AKT3: variants seen among roughly 807,000 people sequenced by gnomAD.
The protein encoded by AKT3 is RAC-gamma serine/threonine-protein kinase.
Under a neutral mutation model 65.3 loss-of-function variants are expected in AKT3, and 15 were observed. That is an observed-to-expected ratio of 0.23 (90% CI 0.15 to 0.35). The LOEUF is 0.35. AKT3 is among the 10% of genes least tolerant of loss of function. The pLI is 1.00. For synonymous variants in AKT3, 206 were observed against 183.8 expected (o/e 1.12, Z -0.98); for missense variants, 243 against 576.5 (o/e 0.42, Z 5.92).
chr1:243,594,905 T>C (rs748300023), intron 8 of AKT3, among the ~76,000 whole-genome samples: 27 of 152,072 alleles, frequency 1.8e-4, no homozygotes, highest in African/African-American at 4.6e-4. Flanking sequence ...CAATGAAAGA[T>C]AGTGAAAGAA....
chr1:243,539,794 C>T (rs989481080), intron 12 of AKT3, among the ~76,000 whole-genome samples: 1 of 152,126 alleles, frequency 6.6e-6, no homozygotes, highest in African/African-American at 2.4e-5. Flanking sequence ...AAACACAGCA[C>T]ATCAAAATGT....
intron 8 of AKT3, among the ~76,000 whole-genome samples, chr1:243,600,512 T>C (rs1000081017): frequency 3.9e-5 from 6 of 152,128 alleles, no homozygotes; most frequent in African/African-American, 1.2e-4. Context: ...GACCCACACA[T>C]ATATGACTGA....
At chr1:243,839,822 T>G (rs1048128203) in intron 2 of AKT3, among the ~76,000 whole-genome samples, 1 of 151,568 alleles carries the variant, frequency 6.6e-6, no homozygotes, top group East Asian at 1.9e-4. Flanking sequence ...TTATATCAAT[T>G]TTTTGTTGTT....
upstream of AKT3, among the ~76,000 whole-genome samples, chr1:243,850,882 C>T (rs1052111525): frequency 2.0e-4 from 30 of 152,194 alleles, no homozygotes; most frequent in African/African-American, 7.0e-4. Flanking sequence ...CCGCGTGGCC[C>T]TTGGCGGGCA....
rs1335551710 is a variant in AKT3 at position 243,501,279 on chromosome 1, C to T, written c.*3970G>A. On this transcript the variant is annotated 3_prime_UTR_variant, in exon 14 of 14. Coordinates refer to ENST00000673466, the MANE Select transcript of AKT3 (RefSeq NM_005465.7). ...CAGCCATCCTACCCATCTACATCAC[C>T]CACGTCTAAGTTTGTTAATTTGCCA... The T allele has an allele frequency of 8.6e-6, 2 of 232,960 alleles. No homozygotes were observed. Among genetic ancestry groups the T allele is most frequent in the Non-Finnish European group, 1.7e-5 (2 of 117,926 alleles). 14.4% of individuals were successfully genotyped at this position (232,960 alleles called of 1,614,324 possible). A position where few individuals can be genotyped will look rare whatever the true frequency, so the allele number is the denominator to read the frequency against.
intron 12 of AKT3, among the ~76,000 whole-genome samples, chr1:243,523,414 T>C (rs1277750496): frequency 6.6e-6 from 1 of 152,108 alleles, no homozygotes; most frequent in Non-Finnish European, 1.5e-5. Flanking sequence ...GTACTTCCTG[T>C]TAGCCTGGTA....
chr1:243,677,949 G>A (rs772995316), intron 3 of AKT3, among the ~76,000 whole-genome samples: 9 of 151,990 alleles, frequency 5.9e-5, no homozygotes, highest in South Asian at 2.1e-4. Flanking sequence ...TTAGCTGGGC[G>A]TGGTGGCGGG....
At position 243,500,812 on chromosome 1, in the gene AKT3, C is replaced by A. The variant is rs1209891768; in HGVS notation, c.*4437G>T. On this transcript the variant is annotated 3_prime_UTR_variant, in exon 14 of 14. Transcript: ENST00000673466. The stretch of plus-strand genomic sequence containing the variant: ...CTACACACAGAGACCATTTGAATCT[C>A]TTGAGCATGTAAAAGGTTCAAGCCT... 4.4e-6 allele frequency: 1 copy of A among 228,978 alleles called. No homozygotes were observed. The highest frequency in any genetic ancestry group is 2.2e-5 in the African/African-American group (1 of 45,124). The allele number at this position is 228,978 out of a possible 1,614,324, so 14.2% of individuals were successfully genotyped here.
chr1:243,692,263 CAT>C (rs1341289179), intron 3 of AKT3, among the ~76,000 whole-genome samples: 2 of 152,080 alleles, frequency 1.3e-5, no homozygotes, highest in Non-Finnish European at 1.5e-5. Context: ...ATAAGATCCC[CAT>C]ATGAGAGATG....
chr1:243,499,508 C>T (rs529956579), downstream of AKT3, among the ~76,000 whole-genome samples: 5 of 152,298 alleles, frequency 3.3e-5, no homozygotes, highest in East Asian at 7.7e-4. Flanking sequence ...AAGAGGCAGG[C>T]GTGTCTTTTG....
intron 13 of AKT3, chr1:243,488,935 C>T (rs1665695801): frequency 3.7e-6 from 6 of 1,605,400 alleles, no homozygotes; most frequent in Admixed American, 3.3e-5. Flanking sequence ...CAGGGGCTTC[C>T]CTCAGATACA....
At chr1:243,709,866 G>A (rs976634554) in intron 2 of AKT3, among the ~76,000 whole-genome samples, 2 of 152,058 alleles carry the variant, frequency 1.3e-5, no homozygotes, top group African/African-American at 4.8e-5. Context: ...AAGCAAATAA[G>A]TGACTTGCTT....
intron 2 of AKT3, among the ~76,000 whole-genome samples, chr1:243,751,233 C>A (rs116281440): frequency 6.6e-6 from 1 of 152,176 alleles, no homozygotes; most frequent in African/African-American, 2.4e-5. Flanking sequence ...AGCCTCTATA[C>A]AACTTTTATA....
chr1:243,725,877 C>A (rs1301761047), intron 2 of AKT3, among the ~76,000 whole-genome samples: 1 of 152,056 alleles, frequency 6.6e-6, no homozygotes, highest in Non-Finnish European at 1.5e-5. Context: ...TATGTTGTTA[C>A]AATTTTCAAA....
rs74153930 is a variant in AKT3 at position 243,637,883 on chromosome 1, T to C, written c.430-141A>G. The C allele has an allele frequency of 7.7e-3, 3,961 of 514,490 alleles. 126 individuals are homozygous for C. Among genetic ancestry groups the C allele is most frequent in the African/African-American group, 0.071 (3,564 of 50,408 alleles). 31.9% of individuals were successfully genotyped at this position (514,490 alleles called of 1,614,324 possible). On this transcript the variant is annotated intron_variant, in intron 5 of 13. Coordinates refer to ENST00000673466, the MANE Select transcript of AKT3 (RefSeq NM_005465.7). ...ACATTTAAATGAAAAAGAATCAGACTGGCATTGGCTGTCTCATTAGCAACC... is the reference window on the plus strand; with the variant it reads ...ACATTTAAATGAAAAAGAATCAGACCGGCATTGGCTGTCTCATTAGCAACC...
intron 9 of AKT3, among the ~76,000 whole-genome samples, chr1:243,570,479 T>C (rs180987064): frequency 1.1e-3 from 171 of 152,362 alleles, no homozygotes; most frequent in African/African-American, 4.0e-3. Context: ...TAATTTCATT[T>C]CAACTCTAGA....
chr1:243,550,334 A>G (rs77663640), intron 11 of AKT3, among the ~76,000 whole-genome samples: 4,396 of 152,300 alleles, frequency 0.029, 92 homozygotes, highest in Middle Eastern at 0.17. Flanking sequence ...GATCAATATC[A>G]ACCTCCTGGT....
chr1:243,606,860 T>C (rs1477265015), intron 8 of AKT3, among the ~76,000 whole-genome samples: 1 of 152,224 alleles, frequency 6.6e-6, no homozygotes, highest in East Asian at 1.9e-4. Context: ...CCTTGGGACA[T>C]GGTGCCCTGC....
intron 2 of AKT3, among the ~76,000 whole-genome samples, chr1:243,783,475 T>C (rs1691039667): frequency 6.6e-6 from 1 of 152,188 alleles, no homozygotes; most frequent in Non-Finnish European, 1.5e-5. Context: ...TATCTTCATC[T>C]GGACTAGGTA....
Sources: gnomAD v4.1 joint callset for allele counts (sites outside exome capture counted in the v4.1 genomes callset) on GRCh38, gnomAD v4.1.1 for gene constraint, MANE v1.5 for transcripts, NCBI Gene and HGNC (gene_info 2026-07-23, HGNC 2026-07-21) for gene names.